NDUFA10: variants seen among roughly 807,000 people sequenced by gnomAD.
The protein encoded by NDUFA10 is NADH:ubiquinone oxidoreductase subunit A10.
In NDUFA10, 40 loss-of-function variants were observed where a neutral mutation model predicts 47.8. The ratio of observed to expected loss-of-function variants is 0.84; its 90% CI spans 0.65 to 1.09. The LOEUF is 1.09. Among genes scored for constraint, NDUFA10 ranks in the 50% least tolerant of loss-of-function variants. The pLI is 0.00. For synonymous variants in NDUFA10, 183 were observed against 172.2 expected, an observed-to-expected ratio of 1.06 and a Z score of -0.49; for missense variants, 413 against 451.1, an observed-to-expected ratio of 0.92 and a Z score of 0.76.
intron 8 of NDUFA10, among the ~76,000 whole-genome samples, chr2:240,000,243 A>G (rs1002114628): frequency 6.6e-6 from 1 of 152,188 alleles, no homozygotes; most frequent in Non-Finnish European, 1.5e-5. Context: ...CATCCAGAAG[A>G]AGGCATCATT....
At chr2:239,983,396 T>C in intron 9 of NDUFA10, 1 of 1,420,574 alleles carries the variant, frequency 7.0e-7, no homozygotes, top group Non-Finnish European at 9.4e-7. Context: ...AAAGGAATTC[T>C]ATGAATTTCC....
At chr2:239,990,248 G>T in intron 8 of NDUFA10, 66 bp from the exon 9 acceptor site, 1 of 1,343,338 alleles carries the variant, frequency 7.4e-7, no homozygotes, top group Non-Finnish European at 1.1e-6. Context: ...AGAAGTGTAA[G>T]TCCGATTTTT....
intron 8 of NDUFA10, among the ~76,000 whole-genome samples, chr2:239,995,221 C>T (rs1696420101): frequency 6.6e-6 from 1 of 151,988 alleles, no homozygotes; most frequent in Non-Finnish European, 1.5e-5. Context: ...CTGCAGTGAG[C>T]CAAGATCATG....
chr2:239,918,485 T>C (rs1316604784), intron 4 of NDUFA10, among the ~76,000 whole-genome samples: 2 of 152,146 alleles, frequency 1.3e-5, no homozygotes, highest in African/African-American at 4.8e-5. Context: ...CCCAATCCTG[T>C]CTCCCAAGGA....
chr2:239,958,928 C>T lies in NDUFA10; in HGVS notation c.*2190G>A. 1 of 985,174 alleles carries T rather than the reference C, an allele frequency of 1.0e-6. No homozygotes were observed. Among genetic ancestry groups the T allele is most frequent in the African/African-American group, 1.7e-5 (1 of 57,322 alleles). 61.0% of individuals were successfully genotyped at this position (985,174 alleles called of 1,614,324 possible). A position where few individuals can be genotyped will look rare whatever the true frequency, so the allele number is the denominator to read the frequency against. Reference sequence around the variant, plus strand: ...CTGGAAAATGCACGATTATTTTGATCCTGGTTTGTTGGTGCTGTTGTTTTA... The same window carrying T: ...CTGGAAAATGCACGATTATTTTGATTCTGGTTTGTTGGTGCTGTTGTTTTA... On this transcript the variant is annotated 3_prime_UTR_variant, in exon 10 of 10. Coordinates refer to ENST00000252711, the MANE Select transcript of NDUFA10 (RefSeq NM_004544.4).
intron 4 of NDUFA10, among the ~76,000 whole-genome samples, chr2:239,915,518 CACAG>C (rs147515105): frequency 0.091 from 13,229 of 145,962 alleles, 757 homozygotes; most frequent in Admixed American, 0.13. Context: ...TACAGACACA[CACAG>C]ACAGATACAC....
rs1471162231 is a variant in NDUFA10 at position 240,022,292 on chromosome 2, G to A, written c.124C>T (p.His42Tyr). ...VQCKLRYGMWHFLLGDKASKR... is the reference protein window; with the variant it reads ...VQCKLRYGMWYFLLGDKASKR... ...CTTGCTTTATCCCCAAGTAGGAAAT[G>A]CCACATTCCATAGCGCAGTTTGCAC... Residue 42 changes from histidine to tyrosine, a missense_variant, in exon 2 of 10, where the codon CAT (histidine) becomes TAT (tyrosine). Transcript: ENST00000252711. 1 of 1,614,034 alleles carries A rather than the reference G, an allele frequency of 6.2e-7. No individual in the cohort carries two copies. Among genetic ancestry groups the A allele is most frequent in the Non-Finnish European group, 8.5e-7 (1 of 1,180,014 alleles).
downstream of NDUFA10, among the ~76,000 whole-genome samples, chr2:239,953,032 G>A (rs1182842460): frequency 2.0e-5 from 3 of 152,206 alleles, no homozygotes; most frequent in Admixed American, 6.5e-5. Flanking sequence ...GGCCCAAGGT[G>A]GGGACTGTGG....
Position 239,914,183 on chromosome 2 carries a change from CATACACAGACACACACAAATAT to C in NDUFA10, c.295-18891_295-18870del, listed in dbSNP as rs1490092323. Among the ~76,000 whole-genome samples, 294 of 151,348 alleles carry C rather than the reference CATACACAGACACACACAAATAT, an allele frequency of 1.9e-3. 3 individuals are homozygous for C. The highest frequency in any genetic ancestry group is 6.9e-3 in the African/African-American group (282 of 40,996). On this transcript the variant is annotated intron_variant, in intron 4 of 5. Transcript: ENST00000419408. ...GATACACACACACACAGAACACACACATACACAGACACACACAAATATAGACACACACAGAGACAGAGATACA... is the reference window on the plus strand; with the variant it reads ...GATACACACACACACAGAACACACACAGACACACACAGAGACAGAGATACA...
rs541939885 is a variant in NDUFA10 at position 240,016,285 on chromosome 2, G to A, written c.548-1425C>T. 8.5e-5 allele frequency among the ~76,000 whole-genome samples: 13 copies of A among 152,232 alleles called. No individual in the cohort carries two copies. The highest frequency in any genetic ancestry group is 2.6e-4 in the Admixed American group (4 of 15,296). ...AGCCAGGCAGAGCACACGGGACCTC[G>A]GGTCTGCTTCCTGACTGCTGGACCG... On this transcript the variant is annotated intron_variant, in intron 4 of 9. Coordinates refer to ENST00000252711, the MANE Select transcript of NDUFA10 (RefSeq NM_004544.4). The surrounding 1 kb of genome is among the most constrained non-coding windows in gnomAD (Gnocchi z 4.4).
chr2:239,998,362 G>A (rs1342326849), intron 8 of NDUFA10, among the ~76,000 whole-genome samples: 1 of 152,184 alleles, frequency 6.6e-6, no homozygotes, highest in Non-Finnish European at 1.5e-5. Flanking sequence ...CCCAGGCTCT[G>A]CCCAAGGTAA....
In NDUFA10 at chr2:239,959,335, C is replaced by A. The variant is rs575499828; in HGVS notation, c.*1783G>T. 161 of 985,326 alleles carry A rather than the reference C, an allele frequency of 1.6e-4. No homozygotes were observed. Among genetic ancestry groups the A allele is most frequent in the Non-Finnish European group, 1.9e-4 (157 of 829,948 alleles). 61.0% of individuals were successfully genotyped at this position (985,326 alleles called of 1,614,324 possible). ...CCCTCTCACTGCTGAGGACACTACC[C>A]GTGCAACCACCAAGGTTGAAGGAAA... On this transcript the variant is annotated 3_prime_UTR_variant, in exon 10 of 10. Transcript: ENST00000252711.
chr2:239,962,019 CT>C (rs1399102985), intron 9 of NDUFA10, among the ~76,000 whole-genome samples: 1 of 152,218 alleles, frequency 6.6e-6, no homozygotes, highest in Non-Finnish European at 1.5e-5. Context: ...ACAAAGACGC[CT>C]GTTCATGAGG....
intron 9 of NDUFA10, chr2:239,973,802 A>G (rs1228848797): frequency 5.8e-6 from 2 of 344,248 alleles, no homozygotes; most frequent in African/African-American, 4.4e-5. Context: ...ATTTTCATGA[A>G]CTTACACAGG....
Position 240,021,289 on chromosome 2 carries a change from C to G in NDUFA10, c.368G>C (p.Ser123Thr), listed in dbSNP as rs756180492. 1.9e-6 allele frequency: 3 copies of G among 1,614,230 alleles called. No homozygotes were observed. The highest frequency in any genetic ancestry group is 1.3e-5 in the African/African-American group (1 of 75,058). The stretch of plus-strand genomic sequence containing the variant: ...CAGGCGGTAACTGTTGCCATCATTG[C>G]TTCTCGGATCATCGTAAAATTTCTC... ...SLEKFYDDPR[S>T]NDGNSYRLQS... The change falls in exon 3 of 10, where the codon AGC becomes ACC. Residue 123 changes from serine to threonine, a missense_variant. Ser to Thr is a moderately conservative substitution (Grantham distance 58). Transcript: ENST00000252711.
rs373529693 is a variant in NDUFA10, at chr2:239,932,772, G to A, written c.295-37458C>T. Among the ~76,000 whole-genome samples, 21 of 152,092 alleles carry A rather than the reference G, an allele frequency of 1.4e-4. No homozygotes were observed. In the East Asian group the frequency reaches 3.7e-3, roughly 27 times the overall value. On this transcript the variant is annotated intron_variant, in intron 4 of 5. Transcript: ENST00000419408. ...TTTTTTTTGTATTTTTAGTAGAGAC[G>A]GGGTTTCACCGTGTTAGCCAGGATG...
intron 4 of NDUFA10, among the ~76,000 whole-genome samples, chr2:239,904,372 A>T (rs10804403): frequency 6.6e-6 from 1 of 152,018 alleles, no homozygotes; most frequent in Non-Finnish European, 1.5e-5. Context: ...ATTCTGGCTC[A>T]CTGCAACCTC....
At chr2:240,017,973 C>T (rs551340002) in intron 4 of NDUFA10, 1 of 1,350,136 alleles carries the variant, frequency 7.4e-7, no homozygotes, top group African/African-American at 1.4e-5. Flanking sequence ...CAACACAGTC[C>T]TAGTCACAGA....
rs188097786 is a variant in NDUFA10 at position 240,001,301 on chromosome 2, T to C, written c.890+3909A>G. Among the ~76,000 whole-genome samples the C allele has an allele frequency of 4.4e-3, 675 of 152,268 alleles. 2 individuals carry two copies. Among genetic ancestry groups the C allele is most frequent in the Non-Finnish European group, 7.2e-3 (488 of 67,996 alleles). ...AAAGCTTAGTATTAAAGAACAAAAATATTAATGGAGAAATGTAAACACATC... is the reference window on the plus strand; with the variant it reads ...AAAGCTTAGTATTAAAGAACAAAAACATTAATGGAGAAATGTAAACACATC... On this transcript the variant is annotated intron_variant, in intron 8 of 9. Transcript: ENST00000252711.
Sources: allele counts gnomAD v4.1 joint callset (sites outside exome capture counted in the v4.1 genomes callset), GRCh38; gene constraint gnomAD v4.1.1; non-coding constraint Gnocchi (gnomAD v3.1); transcripts MANE v1.5; gene names NCBI Gene and HGNC (gene_info 2026-07-23, HGNC 2026-07-21).